TIA1: variants seen among roughly 807,000 people sequenced by gnomAD.
The protein encoded by TIA1 is cytotoxic granule associated RNA binding protein TIA1.
Under a neutral mutation model 65.9 loss-of-function variants are expected in TIA1, and 23 were observed. That is an observed-to-expected ratio of 0.35 (90% confidence interval 0.25 to 0.49). TIA1 has a LOEUF of 0.49. Ranked by LOEUF, TIA1 falls within the 20% of genes least tolerant of loss-of-function variation. TIA1 has a pLI of 0.98. For synonymous variants in TIA1, 147 were observed against 149.4 expected, an observed-to-expected ratio of 0.98 and a Z score of 0.12; for missense variants, 371 against 477.9, an observed-to-expected ratio of 0.78 and a Z score of 2.09.
intron 7 of TIA1, among the ~76,000 whole-genome samples, chr2:70,221,121 C>T (rs1450185723): frequency 3.3e-5 from 5 of 152,136 alleles, no homozygotes; most frequent in Non-Finnish European, 7.4e-5. Flanking sequence ...ATTCTCCTGC[C>T]TCAGCCTCCT....
In TIA1 at chr2:70,216,903, G is replaced by A. The variant is rs751282036; in HGVS notation, c.566C>T (p.Pro189Leu). ...ACACCTACACTCATATGTACTCTTT[G>A]GAGCGGGAGGCTTTCGGGTTGCCCA... ...TNWATRKPPAPKSTYESNTKQ... is the reference protein window; with the variant it reads ...TNWATRKPPALKSTYESNTKQ... Residue 189 changes from proline (P) to leucine (L), a missense_variant, in exon 8 of 13, where the codon CCA becomes CTA. Transcript: ENST00000433529. 1.2e-6 allele frequency: 2 copies of A among 1,613,956 alleles called. No homozygotes were observed. Among genetic ancestry groups the A allele is most frequent in the Non-Finnish European group, 1.7e-6 (2 of 1,179,950 alleles).
intron 7 of TIA1, 120 bp from the exon 8 acceptor site, chr2:70,217,114 AT>A (rs1307883795): frequency 1.1e-6 from 1 of 882,994 alleles, no homozygotes; most frequent in Non-Finnish European, 1.6e-6. Context: ...GCTCTATGAA[AT>A]ACACAACATA....
At position 70,213,975 on chromosome 2, in the gene TIA1, C is replaced by G. The variant is rs147641105; in HGVS notation, c.1034+374G>C. Among the ~76,000 whole-genome samples the G allele has an allele frequency of 2.2e-3, 329 of 152,236 alleles. 2 individuals carry two copies. The highest frequency in any genetic ancestry group is 7.5e-3 in the African/African-American group (311 of 41,552). On this transcript the variant is annotated intron_variant, in intron 12 of 12. Transcript: ENST00000433529. ...CCCACTAAATTCCTTTTTAACCTCT[C>G]AAGTATTTTTATTTCCAGTGTGTTT...
rs1688829707 is a variant in TIA1 at position 70,236,194 on chromosome 2, C to T, written c.27-19G>A. 2.1e-6 allele frequency: 3 copies of T among 1,456,176 alleles called. No individual in the cohort carries two copies. The highest frequency in any genetic ancestry group is 1.4e-5 in the African/African-American group (1 of 70,172). The allele number at this position is 1,456,176 out of a possible 1,614,324, so 90.2% of individuals were successfully genotyped here. On this transcript the variant is annotated intron_variant, in intron 1 of 12. Transcript: ENST00000433529. ...GACGTATCTGAAACACAAAGAGAAACAATTTACCTTTTTTTTTTTTTGAGA... is the reference window on the plus strand; with the variant it reads ...GACGTATCTGAAACACAAAGAGAAATAATTTACCTTTTTTTTTTTTTGAGA...
intron 6 of TIA1, chr2:70,225,518 T>A: frequency 1.0e-6 from 1 of 972,076 alleles, no homozygotes; most frequent in African/African-American, 1.7e-5. Context: ...TTTAAGTTAG[T>A]CAGGTATGTC....
intron 2 of TIA1, among the ~76,000 whole-genome samples, chr2:70,231,172 G>A (rs756032102): frequency 1.3e-4 from 20 of 151,950 alleles, no homozygotes; most frequent in Non-Finnish European, 2.5e-4. Flanking sequence ...CATGGTGGCA[G>A]GCTCCTGTAA....
chr2:70,224,075 G>A (rs549816270), intron 7 of TIA1, among the ~76,000 whole-genome samples: 5 of 152,002 alleles, frequency 3.3e-5, no homozygotes, highest in East Asian at 3.9e-4. Flanking sequence ...CTGCCACCAC[G>A]CCCGGATAAT....
intron 7 of TIA1, among the ~76,000 whole-genome samples, chr2:70,222,877 GCGCTC>G (rs1021337376): frequency 6.6e-6 from 1 of 152,206 alleles, no homozygotes; most frequent in Non-Finnish European, 1.5e-5. Flanking sequence ...TTGCGCCATT[GCGCTC>G]CAGCCTGGGC....
At chr2:70,243,506 T>C (rs1181877483) in intron 1 of TIA1, among the ~76,000 whole-genome samples, 1 of 152,160 alleles carries the variant, frequency 6.6e-6, no homozygotes, top group African/African-American at 2.4e-5. Context: ...CCTAACCTTA[T>C]TATTATTTAA....
intron 5 of TIA1, 137 bp downstream of exon 5, chr2:70,228,922 A>C: frequency 6.9e-7 from 1 of 1,458,498 alleles, no homozygotes. Context: ...AGAAGGGAGA[A>C]AAGTATTGCT....
chr2:70,247,539 C>G (rs759546786), intron 1 of TIA1, among the ~76,000 whole-genome samples: 1 of 152,124 alleles, frequency 6.6e-6, no homozygotes, highest in African/African-American at 2.4e-5. Flanking sequence ...AAGGCAGGAT[C>G]AACTCATCCG....
intron 5 of TIA1, 151 bp downstream of exon 5, chr2:70,228,908 A>C: frequency 6.8e-7 from 1 of 1,474,562 alleles, no homozygotes; most frequent in Non-Finnish European, 9.0e-7. Context: ...CTTGGTCAAC[A>C]CTGAGAAGGG....
In TIA1 at chr2:70,248,573, T is replaced by TA; in HGVS notation, c.-144dup. On this transcript the variant is annotated 5_prime_UTR_variant, in exon 1 of 13. Transcript: ENST00000433529. Reference sequence around the variant, plus strand: ...CTCCGCCTCCTCCTCCGGCGGCAATTACACTAAACCGCCCGGCCCAGCGGG... The same window carrying TA: ...CTCCGCCTCCTCCTCCGGCGGCAATTAACACTAAACCGCCCGGCCCAGCGGG... 1 of 1,209,528 alleles carries TA rather than the reference T, an allele frequency of 8.3e-7. No individual in the cohort carries two copies. The allele number at this position is 1,209,528 out of a possible 1,614,324, so 74.9% of individuals were successfully genotyped here.
chr2:70,238,269 T>G (rs1690004831), intron 1 of TIA1, among the ~76,000 whole-genome samples: 1 of 128,608 alleles, frequency 7.8e-6, no homozygotes, highest in East Asian at 2.2e-4. Flanking sequence ...AGTTTTTTTT[T>G]TTTTTTTTTT....
In TIA1 at chr2:70,214,421, T is replaced by G. The variant is rs1438421677; in HGVS notation, c.962A>C (p.Gln321Pro). The change falls in exon 12 of 13, where the codon CAG becomes CCG. Residue 321 changes from glutamine to proline, a missense_variant. Gln to Pro is a moderately conservative substitution (Grantham distance 76). Transcript: ENST00000433529. ...AACTTGCCAACCATTAGGCATATAC[T>G]GGCCAATTTGTTGTGCATTTCCATA... ...QWYGNAQQIG[Q>P]YMPNGWQVPA... The G allele has an allele frequency of 6.2e-7, 1 of 1,614,092 alleles. No homozygotes were observed. Among genetic ancestry groups the G allele is most frequent in the East Asian group, 2.2e-5 (1 of 44,868 alleles).
At chr2:70,240,802 G>A (rs763427701) in intron 1 of TIA1, among the ~76,000 whole-genome samples, 5 of 152,058 alleles carry the variant, frequency 3.3e-5, no homozygotes, top group Non-Finnish European at 5.9e-5. Context: ...AACTTGGGAG[G>A]TGGACATTGC....
At chr2:70,247,493 C>T (rs548255881) in intron 1 of TIA1, among the ~76,000 whole-genome samples, 12 of 152,254 alleles carry the variant, frequency 7.9e-5, no homozygotes, top group African/African-American at 2.6e-4. Context: ...ATGTCAAGAA[C>T]TCATTGAGCT....
intron 7 of TIA1, among the ~76,000 whole-genome samples, chr2:70,217,973 C>T (rs781143916): frequency 1.3e-5 from 2 of 152,192 alleles, no homozygotes; most frequent in Non-Finnish European, 2.9e-5. Context: ...GTTTCTCATT[C>T]ATCCAACAAA....
intron 7 of TIA1, among the ~76,000 whole-genome samples, chr2:70,220,430 T>C (rs1020004125): frequency 3.3e-4 from 50 of 151,778 alleles, no homozygotes; most frequent in Admixed American, 2.7e-3. Flanking sequence ...ATGATGATTA[T>C]ATGGATACAC....
Sources: allele counts gnomAD v4.1 joint callset (sites outside exome capture counted in the v4.1 genomes callset), GRCh38; gene constraint gnomAD v4.1.1; transcripts MANE v1.5; gene names NCBI Gene and HGNC (gene_info 2026-07-23, HGNC 2026-07-21).